DLGAP5: variants seen among roughly 807,000 people sequenced by gnomAD.
DLGAP5 encodes the protein disks large-associated protein 5.
DLGAP5 carries 90 observed loss-of-function variants against 99.6 expected under a neutral mutation model. The observed-to-expected ratio is 0.90, with a 90% CI of 0.76 to 1.08. The LOEUF (loss-of-function observed/expected upper bound fraction) is 1.08, where lower values mean the gene tolerates loss of function less well. DLGAP5 is among the 50% of genes least tolerant of loss of function. The probability of loss-of-function intolerance (pLI) is 0.00; values close to 1 mark genes in which losing one functional copy is unlikely to be tolerated. For missense variants in DLGAP5, 1,036 were observed against 983.5 expected, an observed-to-expected ratio of 1.05 and a Z score of -0.71; for synonymous variants, 311 against 321.3, an observed-to-expected ratio of 0.97 and a Z score of 0.34.
chr14:55,172,782 G>A (rs1882905618), intron 10 of DLGAP5, among the ~76,000 whole-genome samples: 2 of 152,092 alleles, frequency 1.3e-5, no homozygotes, highest in South Asian at 4.1e-4. Context: ...AGGAGTTCGA[G>A]ACCAGCTTGA....
intron 14 of DLGAP5, among the ~76,000 whole-genome samples, chr14:55,155,780 T>G (rs189789892): frequency 6.6e-6 from 1 of 152,074 alleles, no homozygotes; most frequent in African/African-American, 2.4e-5. Context: ...AAACTAATTC[T>G]AAGCCACCAA....
chr14:55,167,566 C>T (rs1279673107), intron 12 of DLGAP5, among the ~76,000 whole-genome samples: 3 of 152,132 alleles, frequency 2.0e-5, no homozygotes, highest in Admixed American at 6.5e-5. Flanking sequence ...GACAGGGTCT[C>T]GCCTCTTTCT....
chr14:55,177,485 C>T, intron 7 of DLGAP5, 149 bp from the exon 8 acceptor site: 2 of 630,176 alleles, frequency 3.2e-6, no homozygotes, highest in Non-Finnish European at 4.9e-6. Context: ...TAAGTGTATA[C>T]ATGGAATCAG....
In DLGAP5 at chr14:55,185,539, T is replaced by C. The variant is rs562723010; in HGVS notation, c.239-1786A>G. ...TCTCACTCTGTCGCCCAGGTTGGAGTGCAGTGGCGCAATCTTGGCTCACTG... is the reference window on the plus strand; with the variant it reads ...TCTCACTCTGTCGCCCAGGTTGGAGCGCAGTGGCGCAATCTTGGCTCACTG... On this transcript the variant is annotated intron_variant, in intron 2 of 18. Coordinates refer to ENST00000247191, the MANE Select transcript of DLGAP5 (RefSeq NM_014750.5). Among the ~76,000 whole-genome samples the C allele has an allele frequency of 4.0e-5, 6 of 150,734 alleles. No individual in the cohort carries two copies. The South Asian group carries it at 1.3e-3, about 32-fold the overall frequency.
chr14:55,160,578 G>A (rs777661141), intron 13 of DLGAP5, among the ~76,000 whole-genome samples: 59 of 151,892 alleles, frequency 3.9e-4, no homozygotes, highest in Non-Finnish European at 6.5e-4. Context: ...CTCCTGAGTA[G>A]CTGGGATTAC....
chr14:55,150,696 G>A lies in DLGAP5; in HGVS notation c.2418+103C>T, dbSNP rs148719748. On this transcript the variant is annotated intron_variant, in intron 18 of 18. Transcript: ENST00000247191. Reference sequence around the variant, plus strand: ...ATGAAGAGTGAGTAAGCAAAACAATGACAAGATATACATTTTAAGCCTTGT... The same window carrying A: ...ATGAAGAGTGAGTAAGCAAAACAATAACAAGATATACATTTTAAGCCTTGT... 3.1e-3 allele frequency: 2,747 copies of A among 883,782 alleles called. 12 individuals carry two copies. The highest frequency in any genetic ancestry group is 5.4e-3 in the Admixed American group (148 of 27,494). The allele number at this position is 883,782 out of a possible 1,614,324, so 54.7% of individuals were successfully genotyped here.
Position 55,189,155 on chromosome 14 carries a change from G to A in DLGAP5, c.25C>T (p.Arg9Ter), listed in dbSNP as rs1043629253. The A allele has an allele frequency of 3.7e-6, 6 of 1,612,580 alleles. No homozygotes were observed. The highest frequency in any genetic ancestry group is 1.3e-5 in the African/African-American group (1 of 74,828). Reference sequence around the variant, plus strand: ...TCAGTACTTATATCCTTCCTGTGTCGACTGGCAAAATGTGATGAAGACATC... The same window carrying A: ...TCAGTACTTATATCCTTCCTGTGTCAACTGGCAAAATGTGATGAAGACATC... Reference protein sequence around the residue: MSSSHFASRHRKDISTEMI... With the variant: MSSSHFAS The change falls in exon 2 of 19, where the codon CGA (arginine) becomes TGA (stop). Residue 9 changes from arginine to a stop codon, truncating the protein, a stop_gained. Transcript: ENST00000247191. LOFTEE classifies it high-confidence loss of function.
intron 18 of DLGAP5, 186 bp from the exon 19 acceptor site, chr14:55,148,659 G>T: frequency 7.9e-7 from 1 of 1,266,786 alleles, no homozygotes; most frequent in Non-Finnish European, 1.1e-6. Context: ...TTCAAGACCA[G>T]CCCGAGCAAC....
intron 6 of DLGAP5, 108 bp from the exon 7 acceptor site, chr14:55,179,807 G>T: frequency 1.2e-6 from 1 of 833,960 alleles, no homozygotes; most frequent in Non-Finnish European, 1.8e-6. Context: ...TGTCTTGAAG[G>T]ATTTTTTTAT....
At chr14:55,172,499 G>A (rs1030420149) in intron 10 of DLGAP5, among the ~76,000 whole-genome samples, 4 of 151,518 alleles carry the variant, frequency 2.6e-5, no homozygotes, top group East Asian at 1.9e-4. Flanking sequence ...AAATTCTTAC[G>A]CTAGAAACAG....
intron 14 of DLGAP5, 31 bp downstream of exon 14, chr14:55,158,491 C>CAA (rs139156235): frequency 6.3e-7 from 1 of 1,585,714 alleles, no homozygotes; most frequent in African/African-American, 1.4e-5. Flanking sequence ...TCAGGAAAAA[C>CAA]AAAAAAAATA....
chr14:55,171,474 A>G (rs1391797909), intron 10 of DLGAP5, among the ~76,000 whole-genome samples: 3 of 152,230 alleles, frequency 2.0e-5, no homozygotes, highest in African/African-American at 7.2e-5. Flanking sequence ...CTATGGAAAA[A>G]GTATCCTAGC....
chr14:55,154,926 A>G, intron 14 of DLGAP5, 120 bp from the exon 15 acceptor site: 1 of 840,230 alleles, frequency 1.2e-6, no homozygotes, highest in Non-Finnish European at 1.8e-6. Flanking sequence ...TGTCTGTTAA[A>G]GACAAATGCC....
chr14:55,163,992 G>C (rs1367642659), intron 12 of DLGAP5, among the ~76,000 whole-genome samples: 2 of 151,946 alleles, frequency 1.3e-5, no homozygotes, highest in South Asian at 2.1e-4. Context: ...TCATTTTCTT[G>C]ACATAATCTC....
chr14:55,190,265 A>G (rs1284658573), intron 1 of DLGAP5, among the ~76,000 whole-genome samples: 1 of 148,688 alleles, frequency 6.7e-6, no homozygotes, highest in African/African-American at 2.6e-5. Flanking sequence ...CCCCGTCTCT[A>G]TAAATTTTAA....
chr14:55,173,479 A>G (rs1446569624), intron 10 of DLGAP5, among the ~76,000 whole-genome samples: 2 of 152,130 alleles, frequency 1.3e-5, no homozygotes, highest in African/African-American at 4.8e-5. Flanking sequence ...TTTATAATAG[A>G]ACAAATGAAT....
At chr14:55,150,013 A>C (rs1881960038) in intron 18 of DLGAP5, among the ~76,000 whole-genome samples, 1 of 150,978 alleles carries the variant, frequency 6.6e-6, no homozygotes, top group Non-Finnish European at 1.5e-5. Flanking sequence ...AGATCACACC[A>C]TTGTACCCCA....
intron 1 of DLGAP5, among the ~76,000 whole-genome samples, chr14:55,190,014 A>C (rs1021786383): frequency 1.3e-5 from 2 of 152,206 alleles, no homozygotes; most frequent in African/African-American, 4.8e-5. Flanking sequence ...ATTAGCATAC[A>C]AAAAGGTACC....
At chr14:55,190,389 CA>C (rs754189050) in intron 1 of DLGAP5, among the ~76,000 whole-genome samples, 18 of 151,668 alleles carry the variant, frequency 1.2e-4, no homozygotes, top group Non-Finnish European at 2.5e-4. Flanking sequence ...TCAAGCAAAA[CA>C]AAAGAGGACA....
Sources: allele counts gnomAD v4.1 joint callset (sites outside exome capture counted in the v4.1 genomes callset), GRCh38; gene constraint gnomAD v4.1.1; transcripts MANE v1.5; gene names NCBI Gene and HGNC (gene_info 2026-07-23, HGNC 2026-07-21).